CTNNA2: variants seen among roughly 807,000 people sequenced by gnomAD.
CTNNA2 encodes the protein catenin alpha 2.
CTNNA2 carries 42 observed loss-of-function variants against 101.0 expected under a neutral mutation model. That is an observed-to-expected ratio of 0.42 (90% confidence interval 0.32 to 0.54). CTNNA2 has a LOEUF of 0.54. Among genes scored for constraint, CTNNA2 ranks in the 20% least tolerant of loss-of-function variants. CTNNA2 has a pLI of 0.14. For synonymous variants in CTNNA2, 450 were observed against 456.4 expected (o/e 0.99, Z 0.18); for missense variants, 871 against 1,223.1 (o/e 0.71, Z 4.29).
chr2:79,428,157 CTCT>C (rs1678612432), intron 4 of CTNNA2, among the ~76,000 whole-genome samples: 1 of 151,336 alleles, frequency 6.6e-6, no homozygotes, highest in Admixed American at 6.7e-5. Flanking sequence ...TTAAGTCAGT[CTCT>C]TCATTTTTTT....
At chr2:79,593,879 A>AGTTTTTTT in intron 1 of CTNNA2, among the ~76,000 whole-genome samples, 1 of 111,064 alleles carries the variant, frequency 9.0e-6, no homozygotes, top group African/African-American at 3.9e-5. Context: ...CCTTTCTTTT[A>AGTTTTTTT]GTTTTTTTTT....
chr2:80,320,582 C>A (rs1427585459), intron 7 of CTNNA2, among the ~76,000 whole-genome samples: 2 of 152,124 alleles, frequency 1.3e-5, no homozygotes, highest in East Asian at 3.9e-4. Context: ...TGTTAAATAT[C>A]AAGTGTGGGA....
intron 2 of CTNNA2, among the ~76,000 whole-genome samples, chr2:79,735,094 G>A (rs1670775112): frequency 6.6e-6 from 1 of 152,016 alleles, no homozygotes. Context: ...AGAGAGAGAT[G>A]GACTGAACAT....
intron 7 of CTNNA2, among the ~76,000 whole-genome samples, chr2:80,159,806 C>T (rs543342116): frequency 3.3e-5 from 5 of 152,238 alleles, no homozygotes; most frequent in African/African-American, 9.6e-5. Context: ...TTAACAGGAC[C>T]TTTCACAGAG....
intron 7 of CTNNA2, among the ~76,000 whole-genome samples, chr2:80,192,709 T>A (rs1464387289): frequency 6.6e-6 from 1 of 152,156 alleles, no homozygotes; most frequent in Admixed American, 6.5e-5. Context: ...GAGATGGGGT[T>A]TCGCCACATT....
intron 7 of CTNNA2, among the ~76,000 whole-genome samples, chr2:80,294,878 C>A (rs185503812): frequency 6.6e-6 from 1 of 152,138 alleles, no homozygotes; most frequent in Admixed American, 6.5e-5. Flanking sequence ...TACAACATTA[C>A]ATTGAGAACA....
chr2:80,625,032 CTAAA>C (rs979248926), intron 18 of CTNNA2, among the ~76,000 whole-genome samples: 2 of 151,704 alleles, frequency 1.3e-5, no homozygotes, highest in Non-Finnish European at 2.9e-5. Flanking sequence ...ATTCTTTTAC[CTAAA>C]TAAATGCCAA....
At chr2:79,329,456 G>C (rs1676821268) in intron 3 of CTNNA2, among the ~76,000 whole-genome samples, 2 of 152,166 alleles carry the variant, frequency 1.3e-5, no homozygotes. Context: ...GGGATCATTA[G>C]TGAGTAACGC....
chr2:80,583,754 C>A (rs911977673), intron 14 of CTNNA2, among the ~76,000 whole-genome samples: 1 of 152,128 alleles, frequency 6.6e-6, no homozygotes, highest in Admixed American at 6.6e-5. Context: ...GAACCTAATT[C>A]TAGTCTCATT....
intron 2 of CTNNA2, among the ~76,000 whole-genome samples, chr2:79,727,835 T>G (rs1686950590): frequency 6.6e-6 from 1 of 151,290 alleles, no homozygotes; most frequent in Non-Finnish European, 1.5e-5. Flanking sequence ...GTGTTTGGTT[T>G]TTTGTTCTTG....
At chr2:79,930,320 G>GAAAGAAAGAAAGAA (rs1553406928) in intron 7 of CTNNA2, among the ~76,000 whole-genome samples, 6 of 143,040 alleles carry the variant, frequency 4.2e-5, no homozygotes, top group African/African-American at 1.6e-4. Context: ...AAGAAAGAAA[G>GAAAGAAAGAAAGAA]AAAGAAAGAA....
intron 2 of CTNNA2, among the ~76,000 whole-genome samples, chr2:79,268,534 G>A (rs937802917): frequency 1.3e-4 from 20 of 152,234 alleles, no homozygotes; most frequent in African/African-American, 4.8e-4. Flanking sequence ...TCAAGAGGGG[G>A]TGAGGGGAAC....
chr2:79,917,423 T>C (rs1321249942), intron 7 of CTNNA2, among the ~76,000 whole-genome samples: 3 of 152,180 alleles, frequency 2.0e-5, no homozygotes, highest in Admixed American at 2.0e-4. Context: ...AGTACAGCTA[T>C]GTTACCAATC....
chr2:80,350,562 T>G (rs2149296840), intron 7 of CTNNA2, among the ~76,000 whole-genome samples: 1 of 152,330 alleles, frequency 6.6e-6, no homozygotes, highest in East Asian at 1.9e-4. Context: ...GAATGCTAGC[T>G]TTCTATTCCT....
intron 7 of CTNNA2, among the ~76,000 whole-genome samples, chr2:80,177,906 G>C (rs1705499854): frequency 6.6e-6 from 1 of 152,102 alleles, no homozygotes. Flanking sequence ...TGCACAACAA[G>C]GTGCAATGCT....
chr2:79,206,048 A>G (rs1209688622), intron 2 of CTNNA2, among the ~76,000 whole-genome samples: 3 of 152,200 alleles, frequency 2.0e-5, no homozygotes, highest in Non-Finnish European at 2.9e-5. Context: ...CAGTCATTAA[A>G]TTGTAAAAAT....
At chr2:80,040,087 G>A (rs1009132078) in intron 7 of CTNNA2, among the ~76,000 whole-genome samples, 1 of 152,156 alleles carries the variant, frequency 6.6e-6, no homozygotes, top group African/African-American at 2.4e-5. Context: ...TTTGAAAATT[G>A]GACCAAACTC....
chr2:79,696,591 A>C (rs1684666036), intron 2 of CTNNA2, among the ~76,000 whole-genome samples: 1 of 151,970 alleles, frequency 6.6e-6, no homozygotes, highest in Admixed American at 6.6e-5. Context: ...GGTCTGAACT[A>C]ATTTTAATCC....
intron 3 of CTNNA2, among the ~76,000 whole-genome samples, chr2:79,835,666 G>GTTTTTTGTTTTTTTTTTTTTTT (rs1679276639): frequency 1.0e-4 from 6 of 58,618 alleles, no homozygotes; most frequent in African/African-American, 4.4e-4. Context: ...GCCTCTCTTT[G>GTTTTTTGTTTTTTTTTTTTTTT]TTTTTTTTTT....
Sources: allele counts gnomAD v4.1 joint callset (sites outside exome capture counted in the v4.1 genomes callset), GRCh38; gene constraint gnomAD v4.1.1; transcripts MANE v1.5; gene names NCBI Gene and HGNC (gene_info 2026-07-23, HGNC 2026-07-21).